The following ATP8A2 variants were observed in gnomAD, a reference collection of about 807,000 sequenced individuals.
The protein encoded by ATP8A2 is phospholipid-transporting ATPase IB.
A neutral mutation model predicts 165.6 loss-of-function variants in ATP8A2; 100 were observed. That is an observed-to-expected ratio of 0.60 (90% confidence interval 0.51 to 0.71). The LOEUF (loss-of-function observed/expected upper bound fraction) is 0.71. Among genes scored for constraint, ATP8A2 ranks in the 30% least tolerant of loss-of-function variants. ATP8A2 has a pLI of 0.00. For missense variants in ATP8A2, 1,227 were observed against 1,479.5 expected, an observed-to-expected ratio of 0.83 and a Z score of 2.80; for synonymous variants, 543 against 548.8, an observed-to-expected ratio of 0.99 and a Z score of 0.15.
At chr13:25,387,482 A>G (rs2033098393) in intron 1 of ATP8A2, among the ~76,000 whole-genome samples, 1 of 151,984 alleles carries the variant, frequency 6.6e-6, no homozygotes, top group Non-Finnish European at 1.5e-5. Flanking sequence ...CCTGGGTTTA[A>G]TGGTGGTCCA....
intron 25 of ATP8A2, among the ~76,000 whole-genome samples, chr13:25,757,636 C>T (rs916272661): frequency 1.6e-4 from 24 of 152,122 alleles, no homozygotes; most frequent in Admixed American, 9.8e-4. Flanking sequence ...CTCCCATATT[C>T]GGCTGAGAAG....
Position 25,630,557 on chromosome 13 carries a change from C to T in ATP8A2, c.2211+40858C>T, listed in dbSNP as rs151212544. On this transcript the variant is annotated intron_variant, in intron 24 of 36. Coordinates refer to ENST00000381655, the MANE Select transcript of ATP8A2 (RefSeq NM_016529.6). ...GCTTGAGGCTAACAATATTAAGTGG[C>T]GGAACTGTGGTTTGCTAAACACAAC... Among the ~76,000 whole-genome samples, 327 of 152,216 alleles carry T rather than the reference C, an allele frequency of 2.1e-3. 3 individuals are homozygous for T. The highest frequency in any genetic ancestry group is 6.5e-3 in the African/African-American group (268 of 41,534).
At chr13:25,864,850 C>T (rs866304369) in intron 33 of ATP8A2, among the ~76,000 whole-genome samples, 1 of 151,646 alleles carries the variant, frequency 6.6e-6, no homozygotes. Flanking sequence ...CTCTAGCCTT[C>T]CTCCAGGGCA....
rs371462985 is a variant in ATP8A2 at position 25,832,001 on chromosome 13, G to A, written c.2754+3809G>A. On this transcript the variant is annotated intron_variant, in intron 28 of 36. Transcript: ENST00000381655. ...GTTGCCCAGGCTGGAGTGCAATGGC[G>A]CAATCTTGGCTCACTGCAACCTCTG... is the stretch of plus-strand genomic sequence containing the variant. Among the ~76,000 whole-genome samples, 32 of 151,586 alleles carry A rather than the reference G, an allele frequency of 2.1e-4. No individual in the cohort carries two copies. In the East Asian group the frequency reaches 4.1e-3, roughly 20 times the overall value.
chr13:25,928,110 C>A (rs1019830775), intron 33 of ATP8A2, among the ~76,000 whole-genome samples: 1 of 152,208 alleles, frequency 6.6e-6, no homozygotes, highest in African/African-American at 2.4e-5. Flanking sequence ...AAACCCACAT[C>A]TTCTCCCCGT....
chr13:25,910,991 G>A (rs1954090127), intron 33 of ATP8A2, among the ~76,000 whole-genome samples: 1 of 151,020 alleles, frequency 6.6e-6, no homozygotes, highest in African/African-American at 2.4e-5. Context: ...CAGGAACACA[G>A]AGGGGTCTTT....
chr13:25,648,977 A>G (rs2041746071), intron 24 of ATP8A2: 1 of 488,836 alleles, frequency 2.0e-6, no homozygotes, highest in African/African-American at 1.9e-5. Context: ...ATTTTTCTAA[A>G]TTTTTTGTCA....
At chr13:25,492,379 A>AT (rs1287051670) in intron 2 of ATP8A2, among the ~76,000 whole-genome samples, 1 of 152,092 alleles carries the variant, frequency 6.6e-6, no homozygotes, top group Non-Finnish European at 1.5e-5. Flanking sequence ...AATAAAGACT[A>AT]TTTTTGCTGT....
intron 25 of ATP8A2, among the ~76,000 whole-genome samples, chr13:25,738,350 C>CCACA (rs1202875563): frequency 3.1e-5 from 3 of 97,742 alleles, no homozygotes; most frequent in African/African-American, 7.1e-5. Flanking sequence ...TCCCCCCCCC[C>CCACA]CACACACACT....
intron 25 of ATP8A2, among the ~76,000 whole-genome samples, chr13:25,731,706 A>T (rs2043650590): frequency 6.6e-6 from 1 of 152,236 alleles, no homozygotes; most frequent in South Asian, 2.1e-4. Flanking sequence ...TGGTTAAAAA[A>T]ATAAGCAGAG....
chr13:25,774,103 T>A (rs1247875456), intron 26 of ATP8A2, among the ~76,000 whole-genome samples: 1 of 151,786 alleles, frequency 6.6e-6, no homozygotes. Flanking sequence ...CACCTTTGTT[T>A]AATAATTAAT....
chr13:25,386,202 C>T (rs2033037874), intron 1 of ATP8A2, among the ~76,000 whole-genome samples: 2 of 152,154 alleles, frequency 1.3e-5, no homozygotes, highest in Non-Finnish European at 2.9e-5. Context: ...AGGTGTGAGC[C>T]ACCTCTCCTG....
chr13:25,434,953 C>T (rs772192402), intron 1 of ATP8A2, among the ~76,000 whole-genome samples: 1 of 152,008 alleles, frequency 6.6e-6, no homozygotes, highest in Non-Finnish European at 1.5e-5. Context: ...ATGATGATGG[C>T]GTTAATGAGA....
chr13:25,509,767 A>G (rs1452716868), intron 2 of ATP8A2, among the ~76,000 whole-genome samples: 1 of 152,222 alleles, frequency 6.6e-6, no homozygotes, highest in East Asian at 1.9e-4. Context: ...AAATGAAAAG[A>G]TGACTAAACA....
At chr13:25,920,416 C>T (rs565760656) in intron 33 of ATP8A2, among the ~76,000 whole-genome samples, 2 of 152,282 alleles carry the variant, frequency 1.3e-5, no homozygotes, top group Admixed American at 6.5e-5. Flanking sequence ...CACACACACA[C>T]ATCCTAAGCT....
intron 35 of ATP8A2, among the ~76,000 whole-genome samples, chr13:25,992,529 G>A (rs554314261): frequency 6.6e-6 from 1 of 151,750 alleles, no homozygotes; most frequent in South Asian, 2.1e-4. Flanking sequence ...CTCCTAATAG[G>A]GCCTTTCATA....
chr13:26,006,727 A>G (rs1224253338), intron 35 of ATP8A2, among the ~76,000 whole-genome samples: 2 of 152,004 alleles, frequency 1.3e-5, no homozygotes, highest in Middle Eastern at 3.2e-3. Context: ...ATCATGAAAG[A>G]GTACTGAATT....
At chr13:25,669,093 G>GT (rs1218068762) in intron 24 of ATP8A2, among the ~76,000 whole-genome samples, 6 of 151,392 alleles carry the variant, frequency 4.0e-5, no homozygotes, top group South Asian at 2.1e-4. Flanking sequence ...ATACTTTTTT[G>GT]TTTTTTGGTA....
rs2038945703 is a variant in ATP8A2 at position 25,555,215 on chromosome 13, T to A, written c.1263+147T>A. The A allele has an allele frequency of 1.0e-5, 6 of 591,752 alleles. No homozygotes were observed. The South Asian group carries it at 1.4e-4, about 13-fold the overall frequency. 36.7% of individuals were successfully genotyped at this position (591,752 alleles called of 1,614,324 possible). A position where few individuals can be genotyped will look rare whatever the true frequency, so the allele number is the denominator to read the frequency against. Reference sequence around the variant, plus strand: ...TGAAGAGCTATATAATACTTTTGAATGTGCCAGTAAATATAAGCGTTACTC... The same window carrying A: ...TGAAGAGCTATATAATACTTTTGAAAGTGCCAGTAAATATAAGCGTTACTC... On this transcript the variant is annotated intron_variant, in intron 13 of 36. Transcript: ENST00000381655.
Sources: allele counts gnomAD v4.1 joint callset (sites outside exome capture counted in the v4.1 genomes callset), GRCh38; gene constraint gnomAD v4.1.1; transcripts MANE v1.5; gene names NCBI Gene and HGNC (gene_info 2026-07-23, HGNC 2026-07-21).